The following RBFOX1 variants were observed in gnomAD, a reference collection of about 807,000 sequenced individuals.
RBFOX1 encodes RNA binding protein fox-1 homolog 1.
A neutral mutation model predicts 57.7 loss-of-function variants in RBFOX1; 8 were observed. That is an observed-to-expected ratio of 0.14 (90% CI 0.08 to 0.25). The LOEUF is 0.25. Among genes scored for constraint, RBFOX1 ranks in the 10% least tolerant of loss-of-function variants. The pLI is 1.00. For missense variants in RBFOX1, 611 were observed against 548.5 expected, an observed-to-expected ratio of 1.11 and a Z score of -1.14; for synonymous variants, 326 against 222.4, an observed-to-expected ratio of 1.47 and a Z score of -4.15.
chr16:7,290,273 A>T (rs1262514938), intron 4 of RBFOX1, among the ~76,000 whole-genome samples: 2 of 152,194 alleles, frequency 1.3e-5, no homozygotes, highest in African/African-American at 4.8e-5. Flanking sequence ...GGGAGTATGG[A>T]TAGATAATAT....
intron 15 of RBFOX1, chr16:7,710,211 C>G (rs2083763225): frequency 1.9e-6 from 2 of 1,035,344 alleles, no homozygotes; most frequent in African/African-American, 1.7e-5. Flanking sequence ...ATTTTCATCC[C>G]AATTCTGCAT....
At chr16:5,346,278 A>G (rs949269442) in intron 1 of RBFOX1, among the ~76,000 whole-genome samples, 7 of 152,202 alleles carry the variant, frequency 4.6e-5, no homozygotes, top group Admixed American at 2.0e-4. Context: ...AGTCTTATAG[A>G]GCTGTGGTGA....
chr16:6,994,106 T>C (rs953785243), intron 3 of RBFOX1, among the ~76,000 whole-genome samples: 2 of 152,136 alleles, frequency 1.3e-5, no homozygotes, highest in African/African-American at 4.8e-5. Flanking sequence ...GTTGAAATGA[T>C]ATCTGCCCGT....
intron 14 of RBFOX1, among the ~76,000 whole-genome samples, chr16:7,695,360 C>A (rs1490007661): frequency 6.6e-6 from 1 of 151,190 alleles, no homozygotes; most frequent in Non-Finnish European, 1.5e-5. Flanking sequence ...CTCGTGGTTT[C>A]AGTGAAAGCC....
chr16:7,405,807 C>T (rs1404841910), intron 4 of RBFOX1, among the ~76,000 whole-genome samples: 2 of 152,092 alleles, frequency 1.3e-5, no homozygotes. Context: ...CTTCTAACAC[C>T]TGTTTCCTTT....
At chr16:6,140,558 A>G (rs893882368) in intron 1 of RBFOX1, among the ~76,000 whole-genome samples, 1 of 152,120 alleles carries the variant, frequency 6.6e-6, no homozygotes, top group Non-Finnish European at 1.5e-5. Flanking sequence ...CACATTCCCA[A>G]GTATCCTCTG....
intron 2 of RBFOX1, among the ~76,000 whole-genome samples, chr16:6,595,279 T>C (rs2097766139): frequency 6.6e-6 from 1 of 152,210 alleles, no homozygotes. Context: ...GTTTACCTAT[T>C]CTGGGTATGT....
At chr16:5,701,460 G>C (rs953972839) in intron 3 of RBFOX1, among the ~76,000 whole-genome samples, 3 of 137,256 alleles carry the variant, frequency 2.2e-5, no homozygotes, top group Non-Finnish European at 4.8e-5. Flanking sequence ...CTTCCTCCAT[G>C]TACAAAGGAT....
chr16:5,798,543 A>G (rs988684064), intron 3 of RBFOX1, among the ~76,000 whole-genome samples: 18 of 152,176 alleles, frequency 1.2e-4, no homozygotes, highest in African/African-American at 4.1e-4. Context: ...ACAGTTGGGT[A>G]TTACAGGGCA....
intron 4 of RBFOX1, among the ~76,000 whole-genome samples, chr16:7,214,407 C>G (rs986415407): frequency 1.3e-5 from 2 of 151,978 alleles, no homozygotes; most frequent in African/African-American, 2.4e-5. Flanking sequence ...TCCTTAATTC[C>G]TCTCTCATGG....
chr16:7,494,830 C>CTTTTTT lies in RBFOX1; in HGVS notation c.28-23303_28-23298dup, dbSNP rs61434992. Among the ~76,000 whole-genome samples the CTTTTTT allele has an allele frequency of 8.7e-4, 109 of 125,402 alleles. 14 individuals are homozygous for CTTTTTT. Among genetic ancestry groups the CTTTTTT allele is most frequent in the Non-Finnish European group, 1.2e-3 (76 of 61,252 alleles). 82.3% of individuals were successfully genotyped at this position (125,402 alleles called of 152,430 possible). ...TTAATATCAGGAACTGTGTTACCTACTTTTTTTTTTTTTTTTTTTGCACTA... is the reference window on the plus strand; with the variant it reads ...TTAATATCAGGAACTGTGTTACCTACTTTTTTTTTTTTTTTTTTTTTTTTTGCACTA... On this transcript the variant is annotated intron_variant, in intron 4 of 15. Transcript: ENST00000550418.
chr16:6,083,680 T>G (rs2096043525), intron 1 of RBFOX1, among the ~76,000 whole-genome samples: 1 of 152,110 alleles, frequency 6.6e-6, no homozygotes. Context: ...TCTCACTGTG[T>G]TGCCCAGGCT....
chr16:7,115,500 T>C (rs1250727844), intron 4 of RBFOX1, among the ~76,000 whole-genome samples: 1 of 152,188 alleles, frequency 6.6e-6, no homozygotes, highest in Non-Finnish European at 1.5e-5. Context: ...TTGGCAGGTG[T>C]TGGCAGGAGC....
chr16:5,860,587 A>T (rs980214410), intron 3 of RBFOX1, among the ~76,000 whole-genome samples: 17 of 152,164 alleles, frequency 1.1e-4, no homozygotes, highest in African/African-American at 4.1e-4. Flanking sequence ...TTAGGACGCA[A>T]AGTTGCCTGC....
At chr16:7,106,612 C>T (rs373098775) in intron 4 of RBFOX1, among the ~76,000 whole-genome samples, 59 of 151,878 alleles carry the variant, frequency 3.9e-4, no homozygotes, top group African/African-American at 1.4e-3. Flanking sequence ...TCTCAAGGTC[C>T]TGGCATAATA....
chr16:6,773,073 G>GTA, intron 3 of RBFOX1, among the ~76,000 whole-genome samples: 1 of 145,454 alleles, frequency 6.9e-6, no homozygotes, highest in African/African-American at 2.6e-5. Context: ...GCATTTGTGT[G>GTA]TGTATATGTA....
chr16:6,983,469 T>A (rs1335976556), intron 3 of RBFOX1, among the ~76,000 whole-genome samples: 1 of 151,094 alleles, frequency 6.6e-6, no homozygotes, highest in Admixed American at 6.6e-5. Flanking sequence ...TTTAATAGGA[T>A]TATGGAAGAT....
chr16:6,092,336 A>T (rs2096187308), intron 1 of RBFOX1: 1 of 152,194 alleles, frequency 6.6e-6, no homozygotes, highest in Admixed American at 6.5e-5. Context: ...GACAGCAACC[A>T]TGGGAACACA....
intron 3 of RBFOX1, among the ~76,000 whole-genome samples, chr16:7,022,226 A>G (rs921557959): frequency 1.3e-5 from 2 of 150,328 alleles, no homozygotes; most frequent in Non-Finnish European, 3.0e-5. Context: ...TAATTTTTGT[A>G]TTCTTTGGTA....
Sources: gnomAD v4.1 joint callset for allele counts (sites outside exome capture counted in the v4.1 genomes callset) on GRCh38, gnomAD v4.1.1 for gene constraint, MANE v1.5 for transcripts, NCBI Gene and HGNC (gene_info 2026-07-23, HGNC 2026-07-21) for gene names.